Variants in PIAS4 observed in about 807,000 individuals in gnomAD.
PIAS4 encodes the protein protein inhibitor of activated STAT 4, also known as E3 SUMO-protein ligase PIAS4.
Under a neutral mutation model 58.0 loss-of-function variants are expected in PIAS4, and 7 were observed. The observed-to-expected ratio is 0.12, with a 90% CI of 0.07 to 0.23. The LOEUF (loss-of-function observed/expected upper bound fraction) is 0.23. Ranked by LOEUF, PIAS4 falls within the 10% of genes least tolerant of loss-of-function variation. The pLI is 1.00. For synonymous variants in PIAS4, 364 were observed against 312.4 expected (o/e 1.17, Z -1.74); for missense variants, 550 against 709.5 (o/e 0.78, Z 2.55).
intron 7 of PIAS4, among the ~76,000 whole-genome samples, chr19:4,032,495 G>A (rs1169301664): frequency 1.3e-5 from 2 of 152,234 alleles, no homozygotes; most frequent in African/African-American, 2.4e-5. Context: ...CCTGCTGCCC[G>A]TCGAGGGGAG....
intron 7 of PIAS4, among the ~76,000 whole-genome samples, chr19:4,031,251 G>A (rs369243730): frequency 6.6e-6 from 1 of 152,156 alleles, no homozygotes; most frequent in Non-Finnish European, 1.5e-5. Flanking sequence ...CACTGCCAGG[G>A]GCCTGCGAGC....
chr19:4,028,895 G>A (rs765608343), intron 6 of PIAS4, 36 bp from the exon 7 acceptor site: 25 of 1,082,986 alleles, frequency 2.3e-5, no homozygotes, highest in East Asian at 3.7e-5. Flanking sequence ...CCCCGGCCCC[G>A]TCCTGCCAGC....
intron 2 of PIAS4, among the ~76,000 whole-genome samples, chr19:4,017,299 C>CCCCTG (rs2040061785): frequency 6.6e-6 from 1 of 152,142 alleles, no homozygotes; most frequent in Non-Finnish European, 1.5e-5. Context: ...CCCCTGTGGC[C>CCCCTG]CCCTGCCCTG....
chr19:4,023,989 G>A (rs1037269754), intron 2 of PIAS4, 47 bp from the exon 3 acceptor site: 2 of 1,324,528 alleles, frequency 1.5e-6, no homozygotes, highest in South Asian at 1.2e-5. Flanking sequence ...GGGCTCGGGG[G>A]ACCTGCCAGG....
Position 4,037,394 on chromosome 19 carries a change from G to C in PIAS4, c.1163G>C (p.Ser388Thr). 6.2e-7 allele frequency: 1 copy of C among 1,609,640 alleles called. No individual in the cohort carries two copies. ...IIDGLLSKIL[S>T]ECEDADEIEY... ...CCCAGGCTCCTCTCGAAGATCCTGA[G>C]CGAGTGTGAGGACGCCGACGAGATC... is the stretch of plus-strand genomic sequence containing the variant. The change falls in exon 10 of 11, where the codon AGC (serine) becomes ACC (threonine). Residue 388 changes from serine (S) to threonine (T), a missense_variant. By Grantham distance (58) the Ser-to-Thr change is moderately conservative (BLOSUM62 1). This residue lies in a region of PIAS4 where 188 missense variants were observed against 192.0 expected (regional missense o/e 0.98). Coordinates refer to ENST00000262971, the MANE Select transcript of PIAS4 (RefSeq NM_015897.4). This position sits in a 1 kb window ranked among gnomAD's most constrained non-coding sequence, Gnocchi z 5.8.
At chr19:4,018,198 A>C (rs925491815) in intron 2 of PIAS4, among the ~76,000 whole-genome samples, 1 of 152,230 alleles carries the variant, frequency 6.6e-6, no homozygotes. Context: ...TGGAGTCAAC[A>C]GCAGAGCAGT....
intron 1 of PIAS4, among the ~76,000 whole-genome samples, chr19:4,010,923 G>T (rs1237241434): frequency 6.6e-6 from 1 of 152,230 alleles, no homozygotes; most frequent in Non-Finnish European, 1.5e-5. Context: ...GTCATTTTGA[G>T]CCTGGACAGC....
At chr19:4,022,666 G>GTTTGTT (rs1171117557) in intron 2 of PIAS4, among the ~76,000 whole-genome samples, 4 of 151,280 alleles carry the variant, frequency 2.6e-5, no homozygotes, top group Non-Finnish European at 4.4e-5. Context: ...GCGCCTGGCC[G>GTTTGTT]TTTGTTTTTG....
In PIAS4 at chr19:4,028,377, C is replaced by T. The variant is rs866963871; in HGVS notation, c.582-133C>T. 3.8e-6 allele frequency: 3 copies of T among 794,790 alleles called. No homozygotes were observed. The Middle Eastern group carries it at 1.1e-3, about 281-fold the overall frequency. The allele number at this position is 794,790 out of a possible 1,614,324, so 49.2% of individuals were successfully genotyped here. A position where few individuals can be genotyped will look rare whatever the true frequency, so the allele number is the denominator to read the frequency against. On this transcript the variant is annotated intron_variant, in intron 4 of 10. Coordinates refer to ENST00000262971, the MANE Select transcript of PIAS4 (RefSeq NM_015897.4). ...CCCCCACTCAGGCCACACCCGGGGG[C>T]CCTGATACCCCCCGTGTCACATTCT...
At chr19:4,011,412 C>G (rs936844622) in intron 1 of PIAS4, among the ~76,000 whole-genome samples, 4 of 152,238 alleles carry the variant, frequency 2.6e-5, no homozygotes, top group Non-Finnish European at 1.5e-5. Flanking sequence ...GGTCCTACCC[C>G]TCATGGAGGT....
chr19:4,021,031 G>A (rs1332578528), intron 2 of PIAS4, among the ~76,000 whole-genome samples: 2 of 152,216 alleles, frequency 1.3e-5, no homozygotes, highest in African/African-American at 4.8e-5. Context: ...TGATGGTACT[G>A]TCTTATAACC....
intron 9 of PIAS4, among the ~76,000 whole-genome samples, chr19:4,034,080 C>T (rs1313547840): frequency 1.3e-5 from 2 of 152,366 alleles, no homozygotes; most frequent in Admixed American, 6.5e-5. Context: ...GAGGACAAGA[C>T]CTTTCTCCCT....
chr19:4,008,699 A>G (rs1241307304), intron 1 of PIAS4, among the ~76,000 whole-genome samples: 1 of 152,128 alleles, frequency 6.6e-6, no homozygotes, highest in Non-Finnish European at 1.5e-5. Flanking sequence ...CCTGTGCAGC[A>G]TCAGATACTG....
Position 4,037,791 on chromosome 19 carries a change from A to G in PIAS4, c.1449A>G (p.Glu483=), listed in dbSNP as rs747709435. 59 of 1,597,592 alleles carry G rather than the reference A, an allele frequency of 3.7e-5. No homozygotes were observed. Among genetic ancestry groups the G allele is most frequent in the Admixed American group, 7.1e-5 (4 of 56,704 alleles). The change falls in exon 11 of 11, where the codon GAA becomes GAG. Residue 483 remains glutamate, a synonymous_variant. Coordinates refer to ENST00000262971, the MANE Select transcript of PIAS4 (RefSeq NM_015897.4). The surrounding 1 kb of genome is among the most constrained non-coding windows in gnomAD (Gnocchi z 5.8). ...SSSSEDEEEE[E]EEEEDEDEEG... ...CCTCGGAGGATGAGGAGGAGGAGGA[A>G]GAGGAGGAGGAAGACGAGGACGAAG...
At chr19:4,031,192 C>G (rs562297701) in intron 7 of PIAS4, among the ~76,000 whole-genome samples, 81 of 152,312 alleles carry the variant, frequency 5.3e-4, no homozygotes, top group Admixed American at 5.0e-3. Flanking sequence ...TCCTGACCAC[C>G]AAAGGGCACC....
In PIAS4 at chr19:4,037,839, C is replaced by G. The variant is rs1331666594; in HGVS notation, c.1497C>G (p.Arg499=). ...AAGAGGGGCCCCGGCCCAAGCGCCG[C>G]TGCCCCTTCCAGAAGGGCCTGGTGC... ...EDEEGPRPKR[R]CPFQKGLVPA... The change falls in exon 11 of 11, where the codon CGC becomes CGG. Residue 499 remains arginine (R), a synonymous_variant. Transcript: ENST00000262971. The surrounding 1 kb of genome is among the most constrained non-coding windows in gnomAD (Gnocchi z 5.8). 6 of 1,568,218 alleles carry G rather than the reference C, an allele frequency of 3.8e-6. No individual in the cohort carries two copies. The African/African-American group carries it at 6.7e-5, about 18-fold the overall frequency.
chr19:4,037,610 C>T lies in PIAS4; in HGVS notation c.1274-6C>T, dbSNP rs1407078017. 1.2e-6 allele frequency: 2 copies of T among 1,609,350 alleles called. No homozygotes were observed. The highest frequency in any genetic ancestry group is 1.7e-5 in the Admixed American group (1 of 59,998). Reference sequence around the variant, plus strand: ...AGTACCTGCACCCTGTCCCTGTTGCCCGTAGGCCCCTCGGACGCCAATGGG... The same window carrying T: ...AGTACCTGCACCCTGTCCCTGTTGCTCGTAGGCCCCTCGGACGCCAATGGG... On this transcript the variant is annotated splice_polypyrimidine_tract_variant and splice_region_variant and intron_variant, in intron 10 of 10. Transcript: ENST00000262971. The surrounding 1 kb of genome is among the most constrained non-coding windows in gnomAD (Gnocchi z 5.8).
chr19:4,027,826 T>G (rs2040182089), intron 3 of PIAS4, among the ~76,000 whole-genome samples: 1 of 152,142 alleles, frequency 6.6e-6, no homozygotes, highest in Non-Finnish European at 1.5e-5. Flanking sequence ...GGTGTTTTCT[T>G]GCCATTGTGA....
chr19:4,014,311 G>A (rs951094320), intron 2 of PIAS4, among the ~76,000 whole-genome samples: 2 of 152,146 alleles, frequency 1.3e-5, no homozygotes, highest in East Asian at 1.9e-4. Context: ...CCCAGCAGCC[G>A]TGGCCATTCA....
Sources: allele counts gnomAD v4.1 joint callset (sites outside exome capture counted in the v4.1 genomes callset), GRCh38; gene constraint gnomAD v4.1.1; regional missense constraint gnomAD v4.1.1; non-coding constraint Gnocchi (gnomAD v3.1); transcripts MANE v1.5; gene names NCBI Gene and HGNC (gene_info 2026-07-23, HGNC 2026-07-21).